The following TG variants were observed in gnomAD, a reference collection of about 807,000 sequenced individuals.
The protein encoded by TG is thyroid hormones.
In TG, 270 loss-of-function variants were observed where a neutral mutation model predicts 324.7. The ratio of observed to expected loss-of-function variants is 0.83; its 90% CI spans 0.75 to 0.92. The LOEUF is 0.92. TG is among the 40% of genes least tolerant of loss of function. TG has a pLI of 0.00. For missense variants in TG, 3,591 were observed against 3,456.4 expected (o/e 1.04, Z -0.98); for synonymous variants, 1,401 against 1,327.0 (o/e 1.06, Z -1.21).
intron 26 of TG, among the ~76,000 whole-genome samples, chr8:132,943,045 G>A (rs1554675753): frequency 6.6e-6 from 1 of 152,166 alleles, no homozygotes; most frequent in Non-Finnish European, 1.5e-5. Context: ...CCAGGCTCAG[G>A]GTAGAGGATG....
chr8:132,974,080 A>C (rs1182106761), intron 34 of TG, among the ~76,000 whole-genome samples: 1 of 133,468 alleles, frequency 7.5e-6, no homozygotes, highest in Non-Finnish European at 1.5e-5. Context: ...TGCAACCTCC[A>C]CCTCCTGGGT....
intron 34 of TG, among the ~76,000 whole-genome samples, chr8:132,976,182 A>G (rs577667983): frequency 1.2e-4 from 19 of 152,334 alleles, no homozygotes; most frequent in Non-Finnish European, 2.5e-4. Flanking sequence ...TTGTGCTGCT[A>G]TAACAGAATA....
intron 41 of TG, among the ~76,000 whole-genome samples, chr8:133,083,972 C>T (rs984873876): frequency 1.3e-5 from 2 of 152,198 alleles, no homozygotes; most frequent in Non-Finnish European, 2.9e-5. Flanking sequence ...GTGGCACTGT[C>T]CTCTGAGAGG....
At position 133,013,678 on chromosome 8, in the gene TG, A is replaced by G; in HGVS notation, c.6476A>G (p.Asp2159Gly). Residue 2159 changes from aspartate (D) to glycine (G), a missense_variant, in exon 37 of 48, where the codon GAT becomes GGT. Transcript: ENST00000220616. Reference sequence around the variant, plus strand: ...GCTGTGAGATGTATGTTCTATGCTGATACTCAAAGCTGCACACATAGTCTG... The same window carrying G: ...GCTGTGAGATGTATGTTCTATGCTGGTACTCAAAGCTGCACACATAGTCTG... Reference protein sequence around the residue: ...PGAVRCMFYADTQSCTHSLQG... With the variant: ...PGAVRCMFYAGTQSCTHSLQG... 6.2e-7 allele frequency: 1 copy of G among 1,614,194 alleles called. No homozygotes were observed. Among genetic ancestry groups the G allele is most frequent in the Non-Finnish European group, 8.5e-7 (1 of 1,180,046 alleles).
chr8:133,010,052 G>A (rs1265506057), intron 35 of TG, among the ~76,000 whole-genome samples: 1 of 152,208 alleles, frequency 6.6e-6, no homozygotes, highest in Admixed American at 6.5e-5. Context: ...AGAACAGGGT[G>A]TTATCAAAGG....
chr8:132,932,640 A>G (rs980423954), intron 23 of TG, among the ~76,000 whole-genome samples: 4 of 152,222 alleles, frequency 2.6e-5, no homozygotes, highest in Admixed American at 2.0e-4. Flanking sequence ...ATTAATTGCC[A>G]TCGTTACTCA....
In TG at chr8:132,888,315, G is replaced by A; in HGVS notation, c.2508G>A (p.Leu836=). ...GCCAGCAAGATGTCTTCCCGGTGCT[G>A]TCACAATACCCTTCTCTGCAAGATG... is the stretch of plus-strand genomic sequence containing the variant. ...EAGQQDVFPV[L]SQYPSLQDVP... The change falls in exon 10 of 48, where the codon CTG becomes CTA. Residue 836 remains leucine, a synonymous_variant. Coordinates refer to ENST00000220616, the MANE Select transcript of TG (RefSeq NM_003235.5). 5 of 1,614,142 alleles carry A rather than the reference G, an allele frequency of 3.1e-6. No individual in the cohort carries two copies. Among genetic ancestry groups the A allele is most frequent in the Non-Finnish European group, 4.2e-6 (5 of 1,180,024 alleles).
At position 133,095,104 on chromosome 8, in the gene TG, A is replaced by T; in HGVS notation, c.7300A>T (p.Ile2434Phe). ...ISHERAQQQA[I>F]ALAKEVSCPM... Reference sequence around the variant, plus strand: ...CCATGAGAGGGCTCAGCAGCAGGCAATTGCTTTGGCAAAGGAGGTCAGTTG... The same window carrying T: ...CCATGAGAGGGCTCAGCAGCAGGCATTTGCTTTGGCAAAGGAGGTCAGTTG... Residue 2434 changes from isoleucine (I) to phenylalanine (F), a missense_variant, in exon 42 of 48, where the codon ATT becomes TTT. Ile to Phe is a conservative substitution (Grantham distance 21). Coordinates refer to ENST00000220616, the MANE Select transcript of TG (RefSeq NM_003235.5). 6.2e-7 allele frequency: 1 copy of T among 1,614,166 alleles called. No homozygotes were observed. Among genetic ancestry groups the T allele is most frequent in the South Asian group, 1.1e-5 (1 of 91,078 alleles).
intron 19 of TG, 63 bp downstream of exon 19, chr8:132,911,596 C>A: frequency 7.1e-7 from 1 of 1,406,292 alleles, no homozygotes; most frequent in South Asian, 1.2e-5. Context: ...TCAGTTTTCT[C>A]ATCTGCCAAA....
In TG at chr8:133,086,999, C is replaced by T. The variant is rs190648642; in HGVS notation, c.7240-8045C>T. On this transcript the variant is annotated intron_variant, in intron 41 of 47. Transcript: ENST00000220616. ...AATAAGTAATGATACAGAATGATAT[C>T]GACAATGGATTGTTAGGTGAAAAAG... Among the ~76,000 whole-genome samples, 246 of 148,224 alleles carry T rather than the reference C, an allele frequency of 1.7e-3. 5 individuals are homozygous for T. The highest frequency in any genetic ancestry group is 0.014 in the Admixed American group (205 of 14,698).
chr8:132,874,006 T>TA (rs1218376925), intron 5 of TG, among the ~76,000 whole-genome samples: 5 of 151,502 alleles, frequency 3.3e-5, no homozygotes, highest in Admixed American at 6.6e-5. Context: ...CCATCTCTAC[T>TA]AAAAAAAATA....
At chr8:132,930,008 C>T (rs924635571) in intron 23 of TG, among the ~76,000 whole-genome samples, 2 of 152,194 alleles carry the variant, frequency 1.3e-5, no homozygotes, top group African/African-American at 4.8e-5. Flanking sequence ...TCTCTGTATT[C>T]CCCCCAAGTA....
At chr8:132,899,316 T>G (rs1013962781) in intron 14 of TG, among the ~76,000 whole-genome samples, 2 of 152,234 alleles carry the variant, frequency 1.3e-5, no homozygotes, top group Non-Finnish European at 2.9e-5. Context: ...TTTCCCTCCC[T>G]AGCTCCCGGG....
At chr8:132,932,727 A>G (rs1018146585) in intron 23 of TG, among the ~76,000 whole-genome samples, 1 of 152,166 alleles carries the variant, frequency 6.6e-6, no homozygotes, top group Non-Finnish European at 1.5e-5. Context: ...TGCCCTCATT[A>G]AGCGCATGGC....
intron 6 of TG, 128 bp downstream of exon 6, chr8:132,882,097 T>C: frequency 1.4e-6 from 1 of 704,262 alleles, no homozygotes; most frequent in Non-Finnish European, 2.5e-6. Context: ...GCTGTGGGCA[T>C]TGAGGAGGAC....
At chr8:133,079,334 A>G (rs1845395372) in intron 41 of TG, among the ~76,000 whole-genome samples, 1 of 152,182 alleles carries the variant, frequency 6.6e-6, no homozygotes, top group Non-Finnish European at 1.5e-5. Context: ...AATAATAACA[A>G]TGCCAGCCAT....
At chr8:133,051,874 A>T (rs1034939966) in intron 41 of TG, among the ~76,000 whole-genome samples, 3 of 152,210 alleles carry the variant, frequency 2.0e-5, no homozygotes, top group Admixed American at 2.0e-4. Context: ...CTTTGAACTT[A>T]AAATTCTGGG....
At chr8:132,960,100 G>A (rs912476349) in intron 27 of TG, among the ~76,000 whole-genome samples, 4 of 152,102 alleles carry the variant, frequency 2.6e-5, no homozygotes, top group Admixed American at 6.5e-5. Context: ...CTTAAAACCT[G>A]GATGACAGGT....
chr8:132,881,503 G>A (rs1814639483), intron 5 of TG, among the ~76,000 whole-genome samples: 1 of 152,172 alleles, frequency 6.6e-6, no homozygotes, highest in Non-Finnish European at 1.5e-5. Flanking sequence ...TTAGTCTCGA[G>A]AGCTGTATTC....
Sources: gnomAD v4.1 joint callset for allele counts (sites outside exome capture counted in the v4.1 genomes callset) on GRCh38, gnomAD v4.1.1 for gene constraint, MANE v1.5 for transcripts, NCBI Gene and HGNC (gene_info 2026-07-23, HGNC 2026-07-21) for gene names.